CNTN5: variants seen among roughly 807,000 people sequenced by gnomAD.
The protein encoded by CNTN5 is contactin 5.
Under a neutral mutation model 129.1 loss-of-function variants are expected in CNTN5, and 77 were observed. The observed-to-expected ratio is 0.60, with a 90% CI of 0.50 to 0.72. The LOEUF is 0.72. Among genes scored for constraint, CNTN5 ranks in the 30% least tolerant of loss-of-function variants. The pLI, the probability that CNTN5 is intolerant of heterozygous loss-of-function variation, is 0.00. For synonymous variants in CNTN5, 509 were observed against 465.6 expected, an observed-to-expected ratio of 1.09 and a Z score of -1.20; for missense variants, 1,478 against 1,328.8, an observed-to-expected ratio of 1.11 and a Z score of -1.75.
At chr11:99,098,517 A>T (rs994861517) in intron 1 of CNTN5, among the ~76,000 whole-genome samples, 6 of 152,104 alleles carry the variant, frequency 3.9e-5, no homozygotes, top group African/African-American at 1.4e-4. Context: ...GCATGAAAAG[A>T]GAAAAATCAG....
At chr11:99,772,106 C>G (rs951340812) in intron 3 of CNTN5, among the ~76,000 whole-genome samples, 1 of 150,544 alleles carries the variant, frequency 6.6e-6, no homozygotes, top group African/African-American at 2.4e-5. Flanking sequence ...AGTGCTCTTT[C>G]TGAAGAATCA....
intron 16 of CNTN5, among the ~76,000 whole-genome samples, chr11:100,226,993 T>A (rs1009476898): frequency 6.6e-6 from 1 of 152,044 alleles, no homozygotes; most frequent in African/African-American, 2.4e-5. Context: ...ATGGCTACAA[T>A]TCTGGCAGCA....
intron 6 of CNTN5, among the ~76,000 whole-genome samples, chr11:99,873,432 A>T (rs1168671605): frequency 3.9e-5 from 6 of 152,116 alleles, no homozygotes. Flanking sequence ...CACACAAAAA[A>T]AGGAATAAAG....
At chr11:99,390,975 A>G (rs534884768) in intron 2 of CNTN5, among the ~76,000 whole-genome samples, 42 of 152,148 alleles carry the variant, frequency 2.8e-4, no homozygotes, top group Non-Finnish European at 4.4e-5. Context: ...AATTATTGAA[A>G]TATTCTAATA....
intron 2 of CNTN5, among the ~76,000 whole-genome samples, chr11:99,490,526 TC>T (rs969707784): frequency 1.6e-4 from 24 of 152,332 alleles, no homozygotes; most frequent in African/African-American, 5.3e-4. Context: ...CAGTGTGCGT[TC>T]CTCAGAAATT....
chr11:100,078,737 G>A (rs977765880), intron 13 of CNTN5, among the ~76,000 whole-genome samples: 1 of 152,144 alleles, frequency 6.6e-6, no homozygotes, highest in East Asian at 1.9e-4. Flanking sequence ...ATATTGCCTA[G>A]TGTATGACAT....
At chr11:99,878,600 G>A (rs895614760) in intron 6 of CNTN5, among the ~76,000 whole-genome samples, 21 of 152,212 alleles carry the variant, frequency 1.4e-4, no homozygotes, top group Non-Finnish European at 2.6e-4. Flanking sequence ...GCTCACGCCT[G>A]TAATTCCAGC....
At chr11:99,930,370 G>A (rs1950163451) in intron 7 of CNTN5, among the ~76,000 whole-genome samples, 1 of 152,162 alleles carries the variant, frequency 6.6e-6, no homozygotes, top group South Asian at 2.1e-4. Flanking sequence ...GTGTATGCCT[G>A]GATGTGTTTG....
chr11:99,757,372 A>G lies in CNTN5; in HGVS notation c.56-62172A>G, dbSNP rs138629934. ...GACCTCTTCCTTCATCTTCACATGG[A>G]GCTCTTTCTGTGTAGCTCTGTTTCT... On this transcript the variant is annotated intron_variant, in intron 3 of 24. Transcript: ENST00000524871. Among the ~76,000 whole-genome samples the G allele has an allele frequency of 1.0e-3, 153 of 150,936 alleles. 1 individual carries two copies. Among genetic ancestry groups the G allele is most frequent in the African/African-American group, 3.4e-3 (140 of 41,070 alleles).
chr11:99,068,077 A>T (rs1865177845), intron 1 of CNTN5, among the ~76,000 whole-genome samples: 1 of 152,100 alleles, frequency 6.6e-6, no homozygotes, highest in South Asian at 2.1e-4. Flanking sequence ...TTCTGCCATG[A>T]TTTTAAACTT....
chr11:99,714,295 T>C (rs1031392269), intron 3 of CNTN5, among the ~76,000 whole-genome samples: 2 of 151,942 alleles, frequency 1.3e-5, no homozygotes, highest in Non-Finnish European at 2.9e-5. Flanking sequence ...AAATCACCTG[T>C]GCATATACAT....
At chr11:99,621,104 T>A (rs7925839) in intron 3 of CNTN5, among the ~76,000 whole-genome samples, 1 of 151,604 alleles carries the variant, frequency 6.6e-6, no homozygotes, top group Non-Finnish European at 1.5e-5. Flanking sequence ...ACAAAGATAC[T>A]TATTGTAAGG....
Position 99,900,100 on chromosome 11 carries a change from C to CT in CNTN5, c.578-15945dup, listed in dbSNP as rs1001068415. Among the ~76,000 whole-genome samples, 18 of 150,208 alleles carry CT rather than the reference C, an allele frequency of 1.2e-4. 1 individual carries two copies. The highest frequency in any genetic ancestry group is 6.0e-4 in the Admixed American group (9 of 15,026). On this transcript the variant is annotated intron_variant, in intron 6 of 24. Coordinates refer to ENST00000524871, the MANE Select transcript of CNTN5 (RefSeq NM_014361.4). Reference sequence around the variant, plus strand: ...GATTCTACTTATTTGAGTCTTCTCTCTTTTTTTTTCTTAGCCCAACTAGCG... The same window carrying CT: ...GATTCTACTTATTTGAGTCTTCTCTCTTTTTTTTTTCTTAGCCCAACTAGCG...
In CNTN5 at chr11:99,927,206, C is replaced by G. The variant is rs1018081778; in HGVS notation, c.673+11057C>G. On this transcript the variant is annotated intron_variant, in intron 7 of 24. Transcript: ENST00000524871. Reference sequence around the variant, plus strand: ...ATCAGTATTTTACATTTTATGTATCCTATTCTATCTTTATCCCTGTTTTAT... The same window carrying G: ...ATCAGTATTTTACATTTTATGTATCGTATTCTATCTTTATCCCTGTTTTAT... 2.0e-5 allele frequency among the ~76,000 whole-genome samples: 3 copies of G among 152,114 alleles called. No individual in the cohort carries two copies. In the East Asian group the frequency reaches 5.8e-4, roughly 29 times the overall value.
At chr11:99,093,354 T>C (rs940107081) in intron 1 of CNTN5, among the ~76,000 whole-genome samples, 3 of 151,970 alleles carry the variant, frequency 2.0e-5, no homozygotes, top group Non-Finnish European at 2.9e-5. Context: ...CTCTGAAGGA[T>C]AGGAAGCAAA....
At chr11:99,519,201 TGC>T (rs1469810030) in intron 2 of CNTN5, among the ~76,000 whole-genome samples, 11 of 152,246 alleles carry the variant, frequency 7.2e-5, no homozygotes, top group African/African-American at 2.4e-4. Flanking sequence ...TCCCTTTTAT[TGC>T]TTTTTTACTT....
Position 99,020,999 on chromosome 11 carries a change from G to A in CNTN5, c.-481G>A, listed in dbSNP as rs1862846871. Reference sequence around the variant, plus strand: ...CTACTTCCCAATATAACCAACTACGGCGTGGGGGAGCGGAACTGCGAGAAG... The same window carrying A: ...CTACTTCCCAATATAACCAACTACGACGTGGGGGAGCGGAACTGCGAGAAG... On this transcript the variant is annotated 5_prime_UTR_variant, in exon 1 of 25. Transcript: ENST00000524871. 1 of 152,678 alleles carries A rather than the reference G, an allele frequency of 6.5e-6. No homozygotes were observed. The highest frequency in any genetic ancestry group is 2.4e-5 in the African/African-American group (1 of 41,488). 9.5% of individuals were successfully genotyped at this position (152,678 alleles called of 1,614,324 possible).
At chr11:99,042,418 C>G (rs1199418198) in intron 1 of CNTN5, among the ~76,000 whole-genome samples, 1 of 142,432 alleles carries the variant, frequency 7.0e-6, no homozygotes, top group Non-Finnish European at 1.5e-5. Context: ...TCTGTCACCC[C>G]AGGCTGGAGT....
At chr11:99,597,788 C>A (rs1950171037) in intron 3 of CNTN5, among the ~76,000 whole-genome samples, 1 of 152,130 alleles carries the variant, frequency 6.6e-6, no homozygotes. Context: ...ACTTCTACCT[C>A]ACATTTTCAA....
Sources: gnomAD v4.1 joint callset for allele counts (sites outside exome capture counted in the v4.1 genomes callset) on GRCh38, gnomAD v4.1.1 for gene constraint, MANE v1.5 for transcripts, NCBI Gene and HGNC (gene_info 2026-07-23, HGNC 2026-07-21) for gene names.